Variants in DUSP5 observed in about 807,000 individuals in gnomAD.
DUSP5 encodes the protein dual specificity protein phosphatase 5.
DUSP5 carries 22 observed loss-of-function variants against 33.6 expected under a neutral mutation model. That is an observed-to-expected ratio of 0.66 (90% CI 0.47 to 0.94). The LOEUF (loss-of-function observed/expected upper bound fraction) is 0.94. Ranked by LOEUF, DUSP5 falls within the 40% of genes least tolerant of loss-of-function variation. The pLI, the probability that DUSP5 is intolerant of heterozygous loss-of-function variation, is 0.00. For synonymous variants in DUSP5, 270 were observed against 231.1 expected, an observed-to-expected ratio of 1.17 and a Z score of -1.53; for missense variants, 551 against 522.1, an observed-to-expected ratio of 1.06 and a Z score of -0.54.
intron 1 of DUSP5, among the ~76,000 whole-genome samples, chr10:110,498,773 G>C (rs1426211466): frequency 6.6e-6 from 1 of 152,084 alleles, no homozygotes; most frequent in Non-Finnish European, 1.5e-5. Flanking sequence ...CTGCTGTTTA[G>C]CAGTTTGGGG....
At chr10:110,503,906 A>G (rs1860087846) in intron 2 of DUSP5, among the ~76,000 whole-genome samples, 1 of 152,242 alleles carries the variant, frequency 6.6e-6, no homozygotes. Flanking sequence ...CTAAAATGCC[A>G]GCTCCCTGCC....
chr10:110,498,014 G>C lies in DUSP5; in HGVS notation c.-108G>C. On this transcript the variant is annotated 5_prime_UTR_variant, in exon 1 of 4. Coordinates refer to ENST00000369583, the MANE Select transcript of DUSP5 (RefSeq NM_004419.4). ...GGCTCCGTCGCGGCCGCAGCCCCGC[G>C]GGTCGCCCTCCCGTGCCTCGCCCGC... 1.1e-6 allele frequency: 1 copy of C among 914,798 alleles called. No homozygotes were observed. Among genetic ancestry groups the C allele is most frequent in the Non-Finnish European group, 1.3e-6 (1 of 763,948 alleles). The allele number at this position is 914,798 out of a possible 1,614,324, so 56.7% of individuals were successfully genotyped here.
Position 110,510,435 on chromosome 10 carries a change from T to TG in DUSP5, c.*11dup, listed in dbSNP as rs1161107205. ...CGGCCACATCCTGCTAAAACTGGGA[T>TG]GGAGGAATCGGCCCAGCCCCAAGAG... On this transcript the variant is annotated 3_prime_UTR_variant, in exon 4 of 4. Transcript: ENST00000369583. The TG allele has an allele frequency of 3.2e-6, 5 of 1,564,056 alleles. No homozygotes were observed. Among genetic ancestry groups the TG allele is most frequent in the Non-Finnish European group, 3.5e-6 (4 of 1,152,100 alleles).
rs558889593 is a variant in DUSP5 at position 110,507,505 on chromosome 10, A to C, written c.748+351A>C. Among the ~76,000 whole-genome samples, 3 of 152,316 alleles carry C rather than the reference A, an allele frequency of 2.0e-5. No individual in the cohort carries two copies. In the East Asian group the frequency reaches 5.8e-4, roughly 29 times the overall value. On this transcript the variant is annotated intron_variant, in intron 3 of 3. Transcript: ENST00000369583. ...GAAGAACCTCCCTAACTGTGCTTCT[A>C]CGTAGGTTGGGTTTATTTTTAAAAG...
In DUSP5 at chr10:110,510,509, A is replaced by G; in HGVS notation, c.*83A>G. 7.0e-7 allele frequency: 1 copy of G among 1,422,710 alleles called. No individual in the cohort carries two copies. The highest frequency in any genetic ancestry group is 9.3e-7 in the Non-Finnish European group (1 of 1,079,332). 88.1% of individuals were successfully genotyped at this position (1,422,710 alleles called of 1,614,324 possible). A position where few individuals can be genotyped will look rare whatever the true frequency, so the allele number is the denominator to read the frequency against. Reference sequence around the variant, plus strand: ...ACTCATGGACATTTCATACCTGTGCAATACTGAAGACCTCATTCTGTCATG... The same window carrying G: ...ACTCATGGACATTTCATACCTGTGCGATACTGAAGACCTCATTCTGTCATG... On this transcript the variant is annotated 3_prime_UTR_variant, in exon 4 of 4. Coordinates refer to ENST00000369583, the MANE Select transcript of DUSP5 (RefSeq NM_004419.4).
At position 110,510,082 on chromosome 10, in the gene DUSP5, C is replaced by T. The variant is rs747887661; in HGVS notation, c.811C>T (p.Pro271Ser). ...VHCEAGISRSPTICMAYLMKT... is the reference protein window; with the variant it reads ...VHCEAGISRSSTICMAYLMKT... The stretch of plus-strand genomic sequence containing the variant: ...CTGTGAGGCTGGGATCTCCCGTTCA[C>T]CCACCATCTGCATGGCTTACCTTAT... Residue 271 changes from proline to serine, a missense_variant, in exon 4 of 4, where the codon CCC (proline) becomes TCC (serine). By Grantham distance (74) the Pro-to-Ser change is moderately conservative (BLOSUM62 -1). Transcript: ENST00000369583. 6.2e-6 allele frequency: 10 copies of T among 1,613,934 alleles called. No individual in the cohort carries two copies. The highest frequency in any genetic ancestry group is 1.7e-5 in the Admixed American group (1 of 59,994).
Position 110,498,320 on chromosome 10 carries a change from C to T in DUSP5, c.199C>T (p.Pro67Ser), listed in dbSNP as rs1859987304. The change falls in exon 1 of 4, where the codon CCC becomes TCC. Residue 67 changes from proline to serine, a missense_variant. By Grantham distance (74) the Pro-to-Ser change is moderately conservative. Coordinates refer to ENST00000369583, the MANE Select transcript of DUSP5 (RefSeq NM_004419.4). ...GGAVSARYVLPDEAARARLLQ... is the reference protein window; with the variant it reads ...GGAVSARYVLSDEAARARLLQ... ...CGCGGTGTCGGCGCGCTACGTGCTGCCCGACGAGGCGGCGCGCGCGCGGCT... is the reference window on the plus strand; with the variant it reads ...CGCGGTGTCGGCGCGCTACGTGCTGTCCGACGAGGCGGCGCGCGCGCGGCT... 1 of 1,373,198 alleles carries T rather than the reference C, an allele frequency of 7.3e-7. No individual in the cohort carries two copies. Among genetic ancestry groups the T allele is most frequent in the Non-Finnish European group, 9.4e-7 (1 of 1,066,360 alleles). The allele number at this position is 1,373,198 out of a possible 1,614,324, so 85.1% of individuals were successfully genotyped here.
intron 3 of DUSP5, 90 bp downstream of exon 3, chr10:110,507,244 A>G: frequency 1.5e-6 from 2 of 1,342,682 alleles, no homozygotes; most frequent in Non-Finnish European, 2.0e-6. Context: ...AGCTACCTTC[A>G]CTGAAAGAAA....
Position 110,498,347 on chromosome 10 carries a change from C to T in DUSP5, c.226C>T (p.Leu76=), listed in dbSNP as rs1052794501. The change falls in exon 1 of 4, where the codon CTG becomes TTG. Residue 76 remains leucine (L), a synonymous_variant. Transcript: ENST00000369583. ...LPDEAARARL[L]QEGGGGVAAV... is the part of the protein sequence containing the mutation. ...CGACGAGGCGGCGCGCGCGCGGCTC[C>T]TGCAGGAGGGCGGCGGCGGCGTCGC... is the stretch of plus-strand genomic sequence containing the variant. 2 of 1,382,040 alleles carry T rather than the reference C, an allele frequency of 1.4e-6. No individual in the cohort carries two copies. The highest frequency in any genetic ancestry group is 1.5e-5 in the African/African-American group (1 of 66,924). The allele number at this position is 1,382,040 out of a possible 1,614,324, so 85.6% of individuals were successfully genotyped here.
intron 1 of DUSP5, 134 bp downstream of exon 1, chr10:110,498,634 T>G: frequency 1.6e-6 from 2 of 1,265,036 alleles, no homozygotes; most frequent in South Asian, 5.0e-5. Flanking sequence ...TGGCTTGTTG[T>G]GCGCTTGGGA....
chr10:110,502,606 C>T (rs2134658891), intron 1 of DUSP5, 115 bp from the exon 2 acceptor site: 1 of 1,282,066 alleles, frequency 7.8e-7, no homozygotes, highest in South Asian at 1.5e-5. Context: ...TCTGTACTGG[C>T]TTATTTTTTT....
intron 1 of DUSP5, 78 bp downstream of exon 1, chr10:110,498,578 C>T: frequency 7.5e-7 from 1 of 1,338,286 alleles, no homozygotes; most frequent in Non-Finnish European, 9.6e-7. Flanking sequence ...CGCCCTCCTA[C>T]ACCCTGGGAC....
Position 110,510,204 on chromosome 10 carries a change from G to A in DUSP5, c.933G>A (p.Leu311=). 6.2e-7 allele frequency: 1 copy of A among 1,614,232 alleles called. No homozygotes were observed. Among genetic ancestry groups the A allele is most frequent in the Non-Finnish European group, 8.5e-7 (1 of 1,180,034 alleles). ...ACTTTGGCTTCATGGGCCAGCTCCT[G>A]CAGTACGAATCTGAGATCCTGCCCT... ...SPNFGFMGQL[L]QYESEILPST... Residue 311 remains leucine (L), a synonymous_variant, in exon 4 of 4, where the codon CTG becomes CTA. Coordinates refer to ENST00000369583, the MANE Select transcript of DUSP5 (RefSeq NM_004419.4).
chr10:110,500,078 T>C (rs1860024227), intron 1 of DUSP5, among the ~76,000 whole-genome samples: 1 of 152,240 alleles, frequency 6.6e-6, no homozygotes, highest in Non-Finnish European at 1.5e-5. Context: ...TCTGCATATC[T>C]TAGAACCCAG....
chr10:110,509,043 C>T (rs17127481), intron 3 of DUSP5, among the ~76,000 whole-genome samples: 45,923 of 152,108 alleles, frequency 0.3, 7,029 homozygotes, highest in East Asian at 0.34. Flanking sequence ...TTGTAGCCTG[C>T]GTAGTGCCAG....
rs1295877852 is a variant in DUSP5, at chr10:110,498,429, G to C, written c.308G>C (p.Ser103Thr). ...CACTGGCAGAAGCTGCGAGAGGAGA[G>C]CGCCGCGCGTGTCGTCCTCACCTCG... is the stretch of plus-strand genomic sequence containing the variant. Reference protein sequence around the residue: ...SRHWQKLREESAARVVLTSLL... With the variant: ...SRHWQKLREETAARVVLTSLL... The change falls in exon 1 of 4, where the codon AGC becomes ACC. Residue 103 changes from serine (S) to threonine (T), a missense_variant. Physicochemically the swap from Ser to Thr is moderately conservative, Grantham distance 58. This residue lies in a region of DUSP5 where 381 missense variants were observed against 310.4 expected (regional missense o/e 1.23). Coordinates refer to ENST00000369583, the MANE Select transcript of DUSP5 (RefSeq NM_004419.4). 2.0e-6 allele frequency: 3 copies of C among 1,533,278 alleles called. No homozygotes were observed. In the African/African-American group the frequency reaches 4.3e-5, roughly 22 times the overall value. 95.0% of individuals were successfully genotyped at this position (1,533,278 alleles called of 1,614,324 possible).
chr10:110,502,778 T>C lies in DUSP5; in HGVS notation c.437T>C (p.Ile146Thr). Residue 146 changes from isoleucine to threonine, a missense_variant, in exon 2 of 4, where the codon ATT (isoleucine) becomes ACT (threonine). This residue lies in a region of DUSP5 where 381 missense variants were observed against 310.4 expected (regional missense o/e 1.23). Transcript: ENST00000369583. ...GAGTGTTGCGTGGATGTAAAACCCA[T>C]TTCACAAGAGAAGATTGAGAGTGAG... ...YPECCVDVKPISQEKIESERA... is the reference protein window; with the variant it reads ...YPECCVDVKPTSQEKIESERA... The C allele has an allele frequency of 6.2e-7, 1 of 1,614,180 alleles. No homozygotes were observed.
At position 110,510,142 on chromosome 10, in the gene DUSP5, G is replaced by A. The variant is rs774914509; in HGVS notation, c.871G>A (p.Asp291Asn). 93 of 1,614,076 alleles carry A rather than the reference G, an allele frequency of 5.8e-5. No homozygotes were observed. Among genetic ancestry groups the A allele is most frequent in the Admixed American group, 1.0e-4 (6 of 60,004 alleles). ...TKQFRLKEAF[D>N]YIKQRRSMVS... ...GCAGTTCCGCCTGAAGGAGGCCTTC[G>A]ATTACATCAAGCAGAGGAGGAGCAT... The change falls in exon 4 of 4, where the codon GAT becomes AAT. Residue 291 changes from aspartate (D) to asparagine (N), a missense_variant. Transcript: ENST00000369583.
At chr10:110,500,661 C>T (rs1487021338) in intron 1 of DUSP5, among the ~76,000 whole-genome samples, 2 of 152,190 alleles carry the variant, frequency 1.3e-5, no homozygotes, top group East Asian at 3.8e-4. Context: ...AGTATCTGTG[C>T]TCTCTCTGTT....
Sources: gnomAD v4.1 joint callset for allele counts (sites outside exome capture counted in the v4.1 genomes callset) on GRCh38, gnomAD v4.1.1 for gene constraint, gnomAD v4.1.1 regional missense constraint, MANE v1.5 for transcripts, NCBI Gene and HGNC (gene_info 2026-07-23, HGNC 2026-07-21) for gene names.